The following CPNE7 variants were observed in gnomAD, a reference collection of about 807,000 sequenced individuals.
CPNE7 encodes the protein copine-7.
Under a neutral mutation model 66.5 loss-of-function variants are expected in CPNE7, and 78 were observed. The observed-to-expected ratio is 1.17, with a 90% CI of 0.98 to 1.42. The LOEUF is 1.42. CPNE7 is among the 40% of genes most tolerant of loss of function. The probability of loss-of-function intolerance (pLI) is 0.00; values close to 1 mark genes in which losing one functional copy is unlikely to be tolerated. For synonymous variants in CPNE7, 468 were observed against 336.7 expected (o/e 1.39, Z -4.27); for missense variants, 1,012 against 776.6 (o/e 1.30, Z -3.60).
At chr16:89,578,060 T>C (rs1188324678) in intron 2 of CPNE7, among the ~76,000 whole-genome samples, 1 of 126,274 alleles carries the variant, frequency 7.9e-6, no homozygotes, top group East Asian at 2.1e-4. Context: ...TTCTTTTTTT[T>C]CTTTTTCTTT....
chr16:89,590,757 G>A (rs2059153964), intron 11 of CPNE7, among the ~76,000 whole-genome samples: 2 of 90,360 alleles, frequency 2.2e-5, no homozygotes, highest in South Asian at 5.4e-4. Flanking sequence ...GGTCGGGGGA[G>A]CAGCTGACTG....
intron 13 of CPNE7, among the ~76,000 whole-genome samples, chr16:89,591,988 C>T (rs2059178533): frequency 1.3e-5 from 2 of 149,146 alleles, no homozygotes; most frequent in South Asian, 2.1e-4. Flanking sequence ...CGTGAGCCAC[C>T]GTGCCCGGCA....
chr16:89,595,646 C>T (rs773999649), intron 14 of CPNE7, 43 bp downstream of exon 14: 8 of 1,533,732 alleles, frequency 5.2e-6, no homozygotes, highest in Non-Finnish European at 7.2e-6. Flanking sequence ...GCTTGGGGGT[C>T]CCTGTTCATG....
At chr16:89,577,448 TG>T (rs960327189) in intron 1 of CPNE7, 90 bp from the exon 2 acceptor site, 1 of 1,319,646 alleles carries the variant, frequency 7.6e-7, no homozygotes. Context: ...CTGAGGTACC[TG>T]GGCGTGGGTG....
intron 11 of CPNE7, among the ~76,000 whole-genome samples, chr16:89,590,553 C>T (rs1333121358): frequency 2.0e-5 from 3 of 151,592 alleles, no homozygotes; most frequent in Non-Finnish European, 4.4e-5. Context: ...CAACAAAAAA[C>T]TTCAACTGGC....
Position 89,595,436 on chromosome 16 carries a change from G to T in CPNE7, c.1372G>T (p.Val458Leu). 1 of 1,610,478 alleles carries T rather than the reference G, an allele frequency of 6.2e-7. No homozygotes were observed. ...CATGGCCGACACACGGGAGGCCATTGTGCGTGCCTCACGCCTGCCCATGTC... is the reference window on the plus strand; with the variant it reads ...CATGGCCGACACACGGGAGGCCATTTTGCGTGCCTCACGCCTGCCCATGTC... ...TDMADTREAI[V>L]RASRLPMSII... The change falls in exon 14 of 15, where the codon GTG (valine) becomes TTG (leucine). Residue 458 changes from valine to leucine, a missense_variant. By Grantham distance (32) the Val-to-Leu change is conservative. Coordinates refer to ENST00000319518, the MANE Select transcript of CPNE7 (RefSeq NM_153636.3).
At chr16:89,577,429 T>G (rs1432729147) in intron 1 of CPNE7, 110 bp from the exon 2 acceptor site, 4 of 1,101,162 alleles carry the variant, frequency 3.6e-6, no homozygotes, top group Non-Finnish European at 5.2e-6. Context: ...TCCCAGGGTA[T>G]GAGTCCTCCT....
chr16:89,588,435 G>T (rs1382302508), intron 9 of CPNE7, among the ~76,000 whole-genome samples: 1 of 152,166 alleles, frequency 6.6e-6, no homozygotes, highest in African/African-American at 2.4e-5. Flanking sequence ...AGGCCAGGGT[G>T]ATCCTGGTGG....
chr16:89,584,947 T>A lies in CPNE7; in HGVS notation c.591+90T>A, dbSNP rs2059012268. On this transcript the variant is annotated intron_variant, in intron 5 of 14. Coordinates refer to ENST00000319518, the MANE Select transcript of CPNE7 (RefSeq NM_153636.3). The surrounding 1 kb of genome is among the most constrained non-coding windows in gnomAD (Gnocchi z 6.0). ...GGCCACATGGGAGGAGCTCCCAGCC[T>A]CCAACAGGGAGCTGTGGGCGCAGGG... is the stretch of plus-strand genomic sequence containing the variant. 2.6e-6 allele frequency: 3 copies of A among 1,150,676 alleles called. No individual in the cohort carries two copies. Among genetic ancestry groups the A allele is most frequent in the Non-Finnish European group, 1.3e-6 (1 of 778,744 alleles). 71.3% of individuals were successfully genotyped at this position (1,150,676 alleles called of 1,614,324 possible).
In CPNE7 at chr16:89,586,745, G is replaced by A; in HGVS notation, c.856G>A (p.Ala286Thr). The A allele has an allele frequency of 6.2e-7, 1 of 1,612,734 alleles. No homozygotes were observed. The highest frequency in any genetic ancestry group is 8.5e-7 in the Non-Finnish European group (1 of 1,179,552). The change falls in exon 8 of 15, where the codon GCT becomes ACT. Residue 286 changes from alanine to threonine, a missense_variant. Physicochemically the swap from Ala to Thr is moderately conservative, Grantham distance 58. Coordinates refer to ENST00000319518, the MANE Select transcript of CPNE7 (RefSeq NM_153636.3). ...TAAGAACTCAGGAGTGGTCGTCCTGGCTGACCTCAAGGTGAGAGGTGGCTG... is the reference window on the plus strand; with the variant it reads ...TAAGAACTCAGGAGTGGTCGTCCTGACTGACCTCAAGGTGAGAGGTGGCTG... Reference protein sequence around the residue: ...SYKNSGVVVLADLKFHRVYSF... With the variant: ...SYKNSGVVVLTDLKFHRVYSF...
intron 3 of CPNE7, 89 bp downstream of exon 3, chr16:89,583,860 C>G: frequency 2.7e-6 from 4 of 1,507,940 alleles, no homozygotes; most frequent in Non-Finnish European, 3.6e-6. Flanking sequence ...AGCAGCGTGC[C>G]GTCCAGGGAG....
At chr16:89,587,522 A>G (rs752525026) in intron 9 of CPNE7, 1 of 452,540 alleles carries the variant, frequency 2.2e-6, no homozygotes, top group African/African-American at 2.0e-5. Context: ...TGACATCACC[A>G]GGGCTTACCT....
In CPNE7 at chr16:89,585,679, C is replaced by T. The variant is rs185755692; in HGVS notation, c.682-8C>T. The T allele has an allele frequency of 2.1e-5, 32 of 1,552,124 alleles. No individual in the cohort carries two copies. The African/African-American group carries it at 3.9e-4, about 19-fold the overall frequency. On this transcript the variant is annotated splice_region_variant and splice_polypyrimidine_tract_variant and intron_variant, in intron 6 of 14. Coordinates refer to ENST00000319518, the MANE Select transcript of CPNE7 (RefSeq NM_153636.3). ...GACAGCAGTGCTGAGGAGGACTGGG[C>T]TCCCCAGTGCCTGGTCTGGGATTAC... is the stretch of plus-strand genomic sequence containing the variant.
In CPNE7 at chr16:89,586,632, C is replaced by T. The variant is rs761323204; in HGVS notation, c.781-38C>T. The T allele has an allele frequency of 7.1e-6, 11 of 1,546,596 alleles. No individual in the cohort carries two copies. In the Admixed American group the frequency reaches 1.0e-4, roughly 14 times the overall value. On this transcript the variant is annotated intron_variant, in intron 7 of 14. Coordinates refer to ENST00000319518, the MANE Select transcript of CPNE7 (RefSeq NM_153636.3). ...GGGTCTCCCTGGTAGGTGTTCAGAGCCACCACTCTGGGGGGCCTCTGCTTG... is the reference window on the plus strand; with the variant it reads ...GGGTCTCCCTGGTAGGTGTTCAGAGTCACCACTCTGGGGGGCCTCTGCTTG...
intron 13 of CPNE7, among the ~76,000 whole-genome samples, chr16:89,592,159 C>A (rs1457927660): frequency 6.8e-6 from 1 of 148,098 alleles, no homozygotes; most frequent in Non-Finnish European, 1.5e-5. Flanking sequence ...CAGGCGCCCA[C>A]CATCATGCCC....
At chr16:89,587,671 A>C (rs1679789894) in intron 9 of CPNE7, 1 of 399,854 alleles carries the variant, frequency 2.5e-6, no homozygotes, top group African/African-American at 2.1e-5. Context: ...TCACCCGCAG[A>C]CCCCGCGTCA....
Position 89,584,729 on chromosome 16 carries a change from C to A in CPNE7, c.508-45C>A. On this transcript the variant is annotated intron_variant, in intron 4 of 14. Coordinates refer to ENST00000319518, the MANE Select transcript of CPNE7 (RefSeq NM_153636.3). This position sits in a 1 kb window ranked among gnomAD's most constrained non-coding sequence, Gnocchi z 6.0. ...ACAAAGCCAGCTCCCATCCAAAGCC[C>A]GATCTCACAGTGCCTGGCCCAGCAG... 4 of 1,469,914 alleles carry A rather than the reference C, an allele frequency of 2.7e-6. No individual in the cohort carries two copies. The highest frequency in any genetic ancestry group is 1.9e-6 in the Non-Finnish European group (2 of 1,054,852). The allele number at this position is 1,469,914 out of a possible 1,614,324, so 91.1% of individuals were successfully genotyped here. A position where few individuals can be genotyped will look rare whatever the true frequency, so the allele number is the denominator to read the frequency against.
rs887026679 is a variant in CPNE7 at position 89,576,896 on chromosome 16, GC to G, written c.175-638del. Reference sequence around the variant, plus strand: ...ACCGCCTGTCCCCAGGGTTCCGGCTGCCCCCGGAGGCCCCGTGCCCGCCCCT... The same window carrying G: ...ACCGCCTGTCCCCAGGGTTCCGGCTGCCCCGGAGGCCCCGTGCCCGCCCCT... On this transcript the variant is annotated intron_variant, in intron 1 of 14. Transcript: ENST00000319518. Among the ~76,000 whole-genome samples the G allele has an allele frequency of 2.0e-4, 31 of 152,194 alleles. 1 individual carries two copies. The highest frequency in any genetic ancestry group is 7.2e-4 in the African/African-American group (30 of 41,546).
At position 89,583,714 on chromosome 16, in the gene CPNE7, G is replaced by A. The variant is rs1013816422; in HGVS notation, c.375G>A (p.Lys125=). The A allele has an allele frequency of 3.1e-6, 5 of 1,612,810 alleles. No individual in the cohort carries two copies. The highest frequency in any genetic ancestry group is 4.2e-6 in the Non-Finnish European group (5 of 1,179,920). The change falls in exon 3 of 15, where the codon AAG becomes AAA. Residue 125 remains lysine (K), a synonymous_variant. Transcript: ENST00000319518. ...ACTTACAGATTGTGGCCCAGAAGAA[G>A]GTGACCCGCCCGCTGCTGCTCAAGT... ...CTLGQIVAQK[K]VTRPLLLKFG...
Sources: gnomAD v4.1 joint callset for allele counts (sites outside exome capture counted in the v4.1 genomes callset) on GRCh38, gnomAD v4.1.1 for gene constraint, Gnocchi (gnomAD v3.1) non-coding constraint, MANE v1.5 for transcripts, NCBI Gene and HGNC (gene_info 2026-07-23, HGNC 2026-07-21) for gene names.